The following CDH13 variants were observed in gnomAD, a reference collection of about 807,000 sequenced individuals.
CDH13 encodes the protein cadherin-13.
CDH13 carries 24 observed loss-of-function variants against 63.8 expected under a neutral mutation model. The observed-to-expected ratio is 0.38, with a 90% CI of 0.27 to 0.53. The LOEUF (loss-of-function observed/expected upper bound fraction) is 0.53. Among genes scored for constraint, CDH13 ranks in the 20% least tolerant of loss-of-function variants. The pLI, the probability that CDH13 is intolerant of heterozygous loss-of-function variation, is 0.85. For synonymous variants in CDH13, 503 were observed against 355.3 expected (o/e 1.42, Z -4.67); for missense variants, 1,049 against 903.1 (o/e 1.16, Z -2.07).
chr16:83,537,066 G>A (rs181290093), intron 7 of CDH13, among the ~76,000 whole-genome samples: 1 of 152,294 alleles, frequency 6.6e-6, no homozygotes, highest in Admixed American at 6.5e-5. Context: ...TGGCAGCTGT[G>A]GGGATTCGAG....
At chr16:83,109,218 A>C (rs969178186) in intron 3 of CDH13, among the ~76,000 whole-genome samples, 3 of 152,156 alleles carry the variant, frequency 2.0e-5, no homozygotes, top group African/African-American at 7.2e-5. Context: ...TGTGGTCATA[A>C]AGAGGGAAGG....
rs141660699 is a variant in CDH13, at chr16:82,644,786, C to T, written c.45+17649C>T. ...CTTTCCAGGTAGCAACAGGAGATCA[C>T]GCAAAGCCACGTAAGTGTCTGATTC... is the stretch of plus-strand genomic sequence containing the variant. On this transcript the variant is annotated intron_variant, in intron 1 of 13. Transcript: ENST00000567109. The surrounding 1 kb of genome is among the most constrained non-coding windows in gnomAD (Gnocchi z 5.7). Among the ~76,000 whole-genome samples the T allele has an allele frequency of 2.0e-5, 3 of 152,094 alleles. No individual in the cohort carries two copies. Among genetic ancestry groups the T allele is most frequent in the African/African-American group, 4.8e-5 (2 of 41,394 alleles).
At chr16:83,572,714 C>G (rs1904756724) in intron 7 of CDH13, among the ~76,000 whole-genome samples, 1 of 152,214 alleles carries the variant, frequency 6.6e-6, no homozygotes, top group Non-Finnish European at 1.5e-5. Context: ...AATAGCCAAA[C>G]ATGGCATTCG....
chr16:83,673,601 A>G (rs555649510), intron 9 of CDH13, among the ~76,000 whole-genome samples: 1 of 152,342 alleles, frequency 6.6e-6, no homozygotes, highest in South Asian at 2.1e-4. Flanking sequence ...GAAAAAAAAG[A>G]AAAACCAGAC....
At chr16:83,789,351 G>T (rs2875821) in intron 13 of CDH13, among the ~76,000 whole-genome samples, 104,936 of 135,438 alleles carry the variant, frequency 0.77, 40,370 homozygotes, top group Admixed American at 0.8. Context: ...TTTTTTGTTT[G>T]TCTGTTTTGT....
chr16:83,491,697 T>C (rs1449909773), intron 7 of CDH13, among the ~76,000 whole-genome samples: 4 of 152,160 alleles, frequency 2.6e-5, no homozygotes, highest in African/African-American at 9.7e-5. Flanking sequence ...CTTTTCTGTC[T>C]TTGTTTGAAT....
At chr16:83,203,530 CA>C in intron 4 of CDH13, among the ~76,000 whole-genome samples, 1 of 150,518 alleles carries the variant, frequency 6.6e-6, no homozygotes, top group Non-Finnish European at 1.5e-5. Context: ...ACTAAAAATA[CA>C]AAAAAATTAG....
intron 6 of CDH13, among the ~76,000 whole-genome samples, chr16:83,428,413 CTTTG>C (rs531349456): frequency 7.7e-4 from 116 of 151,426 alleles, no homozygotes; most frequent in African/African-American, 2.7e-3. Context: ...TTGATTTTAG[CTTTG>C]TTTGTTTTTC....
At chr16:83,275,579 GTA>G (rs34828162) in intron 5 of CDH13, among the ~76,000 whole-genome samples, 112,887 of 151,832 alleles carry the variant, frequency 0.74, 42,093 homozygotes, top group African/African-American at 0.81. Context: ...CAGAAAGCGT[GTA>G]TAGGAGGGGC....
At chr16:83,092,944 G>A (rs1379852882) in intron 3 of CDH13, among the ~76,000 whole-genome samples, 1 of 152,114 alleles carries the variant, frequency 6.6e-6, no homozygotes, top group East Asian at 1.9e-4. Flanking sequence ...AGATTTGTGT[G>A]GAATCTAAAA....
At chr16:83,281,590 G>T (rs1404225289) in intron 5 of CDH13, among the ~76,000 whole-genome samples, 1 of 152,138 alleles carries the variant, frequency 6.6e-6, no homozygotes, top group East Asian at 1.9e-4. Flanking sequence ...AGCTATCTCA[G>T]CTTTCAACAT....
chr16:82,736,502 A>G (rs1465618507), intron 1 of CDH13, among the ~76,000 whole-genome samples: 1 of 152,168 alleles, frequency 6.6e-6, no homozygotes, highest in Non-Finnish European at 1.5e-5. Flanking sequence ...AAAAATAAAC[A>G]GAGCACTGCC....
At chr16:83,166,737 T>C (rs950335737) in intron 4 of CDH13, among the ~76,000 whole-genome samples, 1 of 152,192 alleles carries the variant, frequency 6.6e-6, no homozygotes, top group Non-Finnish European at 1.5e-5. Flanking sequence ...TTTGTGTTGA[T>C]AAAATACTAT....
chr16:82,945,519 T>C (rs1231956768), intron 2 of CDH13, among the ~76,000 whole-genome samples: 1 of 152,162 alleles, frequency 6.6e-6, no homozygotes, highest in African/African-American at 2.4e-5. Context: ...GGAAGAACAA[T>C]AACAATAATA....
At chr16:82,927,042 G>T (rs1390216615) in intron 2 of CDH13, among the ~76,000 whole-genome samples, 1 of 152,016 alleles carries the variant, frequency 6.6e-6, no homozygotes, top group Non-Finnish European at 1.5e-5. Flanking sequence ...ATAGCTGGAG[G>T]TTGGGCTCCT....
At chr16:83,377,325 G>T (rs73597935) in intron 6 of CDH13, among the ~76,000 whole-genome samples, 41 of 152,184 alleles carry the variant, frequency 2.7e-4, no homozygotes, top group African/African-American at 9.2e-4. Context: ...CACACATCTG[G>T]CCCACACCCA....
chr16:83,432,102 G>T lies in CDH13; in HGVS notation c.782-54375G>T, dbSNP rs116013240. On this transcript the variant is annotated intron_variant, in intron 6 of 13. Transcript: ENST00000567109. Reference sequence around the variant, plus strand: ...CAAGGGGATAGTGTCTTGGACTTCAGTGGAGGCAGGGTTGCTGTTGAGAGT... The same window carrying T: ...CAAGGGGATAGTGTCTTGGACTTCATTGGAGGCAGGGTTGCTGTTGAGAGT... Among the ~76,000 whole-genome samples the T allele has an allele frequency of 8.3e-3, 1,262 of 152,290 alleles. 23 individuals are homozygous for T. The highest frequency in any genetic ancestry group is 0.029 in the African/African-American group (1,187 of 41,544).
intron 8 of CDH13, among the ~76,000 whole-genome samples, chr16:83,643,302 G>GAAAAAA (rs1033707256): frequency 0.01 from 725 of 71,512 alleles, 13 homozygotes; most frequent in Middle Eastern, 0.017. Flanking sequence ...AAAAAAAAAA[G>GAAAAAA]AAAAAAAAAA....
rs1912767225 is a variant in CDH13 at position 83,748,201 on chromosome 16, A to G, written c.1632A>G (p.Pro544=). ...CAGCTGTGCTGGACCGTGAGTCCCCATTTGTCGACAACAGCGTGTACACTG... is the reference window on the plus strand; with the variant it reads ...CAGCTGTGCTGGACCGTGAGTCCCCGTTTGTCGACAACAGCGTGTACACTG... ...DTTAVLDRES[P]FVDNSVYTAL... Residue 544 remains proline, a synonymous_variant, in exon 11 of 14, where the codon CCA becomes CCG. Transcript: ENST00000567109. The G allele has an allele frequency of 1.9e-6, 3 of 1,613,892 alleles. No individual in the cohort carries two copies. The highest frequency in any genetic ancestry group is 2.5e-6 in the Non-Finnish European group (3 of 1,179,812).
Sources: gnomAD v4.1 joint callset for allele counts (sites outside exome capture counted in the v4.1 genomes callset) on GRCh38, gnomAD v4.1.1 for gene constraint, Gnocchi (gnomAD v3.1) non-coding constraint, MANE v1.5 for transcripts, NCBI Gene and HGNC (gene_info 2026-07-23, HGNC 2026-07-21) for gene names.